Variants in KANK1 observed in about 807,000 individuals in gnomAD.
The protein encoded by KANK1 is KN motif and ankyrin repeat domain-containing protein 1.
Under a neutral mutation model 106.2 loss-of-function variants are expected in KANK1, and 109 were observed. That is an observed-to-expected ratio of 1.03 (90% CI 0.88 to 1.20). KANK1 has a LOEUF of 1.20. KANK1 is among the 50% of genes most tolerant of loss of function. The pLI is 0.00. For missense variants in KANK1, 2,399 were observed against 1,710.7 expected, an observed-to-expected ratio of 1.40 and a Z score of -7.10; for synonymous variants, 873 against 652.2, an observed-to-expected ratio of 1.34 and a Z score of -5.16.
At chr9:716,158 T>C (rs956473869) in intron 3 of KANK1, among the ~76,000 whole-genome samples, 2 of 152,216 alleles carry the variant, frequency 1.3e-5, no homozygotes, top group Non-Finnish European at 2.9e-5. Flanking sequence ...TAACACAGTA[T>C]TCTAATTTAA....
chr9:652,887 G>A (rs1211268140), intron 1 of KANK1, among the ~76,000 whole-genome samples: 4 of 152,148 alleles, frequency 2.6e-5, no homozygotes, highest in Non-Finnish European at 5.9e-5. Flanking sequence ...GGAAGGGATG[G>A]GGAAAAAGTA....
At chr9:698,598 C>T (rs1227311898) in intron 2 of KANK1, among the ~76,000 whole-genome samples, 1 of 152,150 alleles carries the variant, frequency 6.6e-6, no homozygotes, top group African/African-American at 2.4e-5. Flanking sequence ...TTCTCAGTTT[C>T]CTCCGAAGTA....
At chr9:582,170 C>T (rs761479194) in intron 1 of KANK1, among the ~76,000 whole-genome samples, 14 of 152,104 alleles carry the variant, frequency 9.2e-5, no homozygotes, top group African/African-American at 2.9e-4. Flanking sequence ...CAGTTCCCCA[C>T]GTAGAGGTGG....
intron 1 of KANK1, among the ~76,000 whole-genome samples, chr9:610,526 T>G (rs1490385384): frequency 6.6e-6 from 1 of 152,172 alleles, no homozygotes; most frequent in Non-Finnish European, 1.5e-5. Context: ...GTGTCCAGTG[T>G]TGGTTTAATA....
intron 3 of KANK1, among the ~76,000 whole-genome samples, chr9:486,522 G>T (rs1388154399): frequency 1.3e-5 from 2 of 152,128 alleles, no homozygotes; most frequent in Non-Finnish European, 2.9e-5. Context: ...AGTCTGTAGA[G>T]GTCACATAAC....
intron 3 of KANK1, among the ~76,000 whole-genome samples, chr9:487,959 G>C (rs2058320928): frequency 6.6e-6 from 1 of 152,138 alleles, no homozygotes; most frequent in Non-Finnish European, 1.5e-5. Flanking sequence ...CCCTAGGAAA[G>C]CCTATGTCTG....
intron 3 of KANK1, among the ~76,000 whole-genome samples, chr9:724,897 A>G (rs1830278936): frequency 1.3e-5 from 2 of 152,188 alleles, no homozygotes; most frequent in South Asian, 4.1e-4. Flanking sequence ...ATGGACTTGG[A>G]GAAGGAAAAA....
At chr9:676,563 A>G (rs1444152636) in intron 1 of KANK1, among the ~76,000 whole-genome samples, 1 of 152,224 alleles carries the variant, frequency 6.6e-6, no homozygotes, top group East Asian at 1.9e-4. Flanking sequence ...AAAACCAAAA[A>G]TATTTCGTAG....
intron 1 of KANK1, among the ~76,000 whole-genome samples, chr9:598,248 G>A (rs766195100): frequency 6.6e-6 from 1 of 151,656 alleles, no homozygotes; most frequent in Admixed American, 6.6e-5. Flanking sequence ...GTACTACACC[G>A]TTTTTGATTA....
chr9:691,472 G>T (rs1228556153), intron 2 of KANK1, among the ~76,000 whole-genome samples: 1 of 150,662 alleles, frequency 6.6e-6, no homozygotes, highest in Admixed American at 6.6e-5. Context: ...TTTTGCTTAG[G>T]CTGGTCTCAA....
chr9:735,650 G>T, intron 7 of KANK1: 1 of 327,052 alleles, frequency 3.1e-6, no homozygotes, highest in Non-Finnish European at 6.8e-6. Flanking sequence ...TATAAACTAT[G>T]CATCTACTTT....
At chr9:570,905 G>C (rs547785479) in intron 1 of KANK1, among the ~76,000 whole-genome samples, 1 of 152,252 alleles carries the variant, frequency 6.6e-6, no homozygotes, top group South Asian at 2.1e-4. Flanking sequence ...AATGGGCAGT[G>C]AATATATTTG....
chr9:526,861 A>G (rs971969654), intron 1 of KANK1, among the ~76,000 whole-genome samples: 1 of 151,716 alleles, frequency 6.6e-6, no homozygotes, highest in Non-Finnish European at 1.5e-5. Context: ...TACTTTCCTC[A>G]CACTGTGGAA....
chr9:558,093 A>T (rs1815342904), intron 1 of KANK1, among the ~76,000 whole-genome samples: 1 of 152,176 alleles, frequency 6.6e-6, no homozygotes, highest in African/African-American at 2.4e-5. Flanking sequence ...CTGTGAGAGG[A>T]GGTGGAAAAA....
At chr9:613,681 C>T (rs566636148) in intron 1 of KANK1, among the ~76,000 whole-genome samples, 1 of 151,936 alleles carries the variant, frequency 6.6e-6, no homozygotes, top group Admixed American at 6.6e-5. Context: ...AACTTTTTTC[C>T]TCTTCTCAAT....
intron 8 of KANK1, among the ~76,000 whole-genome samples, chr9:740,120 G>C (rs1835009111): frequency 1.3e-5 from 2 of 152,264 alleles, no homozygotes; most frequent in Admixed American, 6.5e-5. Flanking sequence ...TTCAGAGAAA[G>C]TGCCGAAGGA....
chr9:722,382 A>T (rs549511457), intron 3 of KANK1, among the ~76,000 whole-genome samples: 1 of 151,930 alleles, frequency 6.6e-6, no homozygotes, highest in Admixed American at 6.6e-5. Flanking sequence ...ATCTGGACCC[A>T]TCCAGATCAT....
intron 5 of KANK1, 58 bp from the exon 6 acceptor site, chr9:732,320 T>TATCA (rs1194983660): frequency 1.3e-6 from 2 of 1,545,852 alleles, no homozygotes; most frequent in African/African-American, 2.7e-5. Context: ...TAGAAATTTC[T>TATCA]ATCACTGGGT....
At chr9:639,941 T>G (rs1460848883) in intron 1 of KANK1, among the ~76,000 whole-genome samples, 1 of 152,204 alleles carries the variant, frequency 6.6e-6, no homozygotes, top group Non-Finnish European at 1.5e-5. Flanking sequence ...GTGAGGGTTC[T>G]ACCCTGATGA....
Sources: allele counts gnomAD v4.1 joint callset (sites outside exome capture counted in the v4.1 genomes callset), GRCh38; gene constraint gnomAD v4.1.1; transcripts MANE v1.5; gene names NCBI Gene and HGNC (gene_info 2026-07-23, HGNC 2026-07-21).